The following PSMD5 variants were observed in gnomAD, a reference collection of about 807,000 sequenced individuals.
PSMD5 encodes 26S proteasome non-ATPase regulatory subunit 5.
A neutral mutation model predicts 52.1 loss-of-function variants in PSMD5; 40 were observed. That is an observed-to-expected ratio of 0.77 (90% CI 0.60 to 1.00). PSMD5 has a LOEUF of 1.00. PSMD5 is among the 50% of genes least tolerant of loss of function. The pLI is 0.00. For synonymous variants in PSMD5, 211 were observed against 226.6 expected, an observed-to-expected ratio of 0.93 and a Z score of 0.62; for missense variants, 575 against 605.2, an observed-to-expected ratio of 0.95 and a Z score of 0.52.
intron 9 of PSMD5, among the ~76,000 whole-genome samples, chr9:120,819,672 G>A (rs1321882457): frequency 3.9e-5 from 6 of 152,056 alleles, no homozygotes; most frequent in Non-Finnish European, 1.5e-5. Flanking sequence ...GTCTCTACTA[G>A]AAATACAAAA....
At position 120,842,871 on chromosome 9, in the gene PSMD5, C is replaced by A. The variant is rs1488419444; in HGVS notation, c.39G>T (p.Ala13=). ...AQALALLREV[A]RLEAPLEELR... ...GCTCCTCCAGCGGCGCTTCCAGCCT[C>A]GCTACCTCTCTCAGCAGCGCCAAAG... The change falls in exon 1 of 10, where the codon GCG becomes GCT. Residue 13 remains alanine, a synonymous_variant. Coordinates refer to ENST00000210313, the MANE Select transcript of PSMD5 (RefSeq NM_005047.4). The A allele has an allele frequency of 1.2e-6, 2 of 1,601,718 alleles. No individual in the cohort carries two copies. Among genetic ancestry groups the A allele is most frequent in the Non-Finnish European group, 1.7e-6 (2 of 1,177,608 alleles).
chr9:120,819,130 C>G (rs1025584195), intron 9 of PSMD5, among the ~76,000 whole-genome samples: 1 of 152,180 alleles, frequency 6.6e-6, no homozygotes, highest in Admixed American at 6.5e-5. Flanking sequence ...TTAAGTTTTT[C>G]AAAACCTATT....
At position 120,831,352 on chromosome 9, in the gene PSMD5, A is replaced by G. The variant is rs200798187; in HGVS notation, c.540T>C (p.Ile180=). ...TTACCTCATACACCCTGTATCGAAC[A>G]ATGTCATTTGTTTTCATTACACTTT... The part of the protein sequence containing the change: ...DLKSVMKTND[I]VRYRVYELII... Residue 180 remains isoleucine (I), a synonymous_variant, in exon 4 of 10, where the codon ATT becomes ATC. Coordinates refer to ENST00000210313, the MANE Select transcript of PSMD5 (RefSeq NM_005047.4). The G allele has an allele frequency of 6.2e-7, 1 of 1,610,612 alleles. No individual in the cohort carries two copies. Among genetic ancestry groups the G allele is most frequent in the Non-Finnish European group, 8.5e-7 (1 of 1,179,050 alleles).
At chr9:120,841,041 T>C (rs2045231482) in intron 1 of PSMD5, among the ~76,000 whole-genome samples, 2 of 152,110 alleles carry the variant, frequency 1.3e-5, no homozygotes, top group South Asian at 2.1e-4. Context: ...CGTGAGCCAC[T>C]GCACCGGGCC....
At position 120,820,951 on chromosome 9, in the gene PSMD5, C is replaced by T; in HGVS notation, c.1145G>A (p.Arg382Lys). ...PPEQQTDDLL[R>K]MTESWFSSLS... is the part of the protein sequence containing the mutation. ...AGAAGAAAACCAGGATTCTGTCATC[C>T]TCAGAAGGTCATCAGTCTGCTGCTC... The change falls in exon 9 of 10, where the codon AGG becomes AAG. Residue 382 changes from arginine (R) to lysine (K), a missense_variant. Arg to Lys is a conservative substitution (Grantham distance 26, BLOSUM62 2). Transcript: ENST00000210313. 6.3e-7 allele frequency: 1 copy of T among 1,597,064 alleles called. No homozygotes were observed. The highest frequency in any genetic ancestry group is 1.9e-5 in the Admixed American group (1 of 53,512).
At chr9:120,832,862 G>T (rs2045170970) in intron 2 of PSMD5, among the ~76,000 whole-genome samples, 1 of 152,198 alleles carries the variant, frequency 6.6e-6, no homozygotes, top group Non-Finnish European at 1.5e-5. Context: ...TGTCTTAATT[G>T]TTGGTTTAGT....
chr9:120,821,486 T>C (rs1426212139), intron 7 of PSMD5, 22 bp from the exon 8 acceptor site: 3 of 1,474,870 alleles, frequency 2.0e-6, no homozygotes, highest in Non-Finnish European at 2.8e-6. Flanking sequence ...AACAGTGAGA[T>C]TCTTCTTTAT....
intron 5 of PSMD5, among the ~76,000 whole-genome samples, chr9:120,828,199 C>G (rs942753924): frequency 6.6e-6 from 1 of 152,002 alleles, no homozygotes; most frequent in Non-Finnish European, 1.5e-5. Flanking sequence ...AGGGTTTCAC[C>G]GTATTGGCCA....
At chr9:120,830,299 G>A (rs2045151012) in intron 4 of PSMD5, among the ~76,000 whole-genome samples, 1 of 152,156 alleles carries the variant, frequency 6.6e-6, no homozygotes, top group South Asian at 2.1e-4. Flanking sequence ...GCATGAGTTT[G>A]AGTGGCCTAG....
chr9:120,824,523 A>G lies in PSMD5; in HGVS notation c.977T>C (p.Val326Ala), dbSNP rs189500645. 3.1e-4 allele frequency: 501 copies of G among 1,614,154 alleles called. 7 individuals carry two copies. In the Admixed American group the frequency reaches 8.0e-3, roughly 26 times the overall value. Residue 326 changes from valine (V) to alanine (A), a missense_variant, in exon 7 of 10, where the codon GTT (valine) becomes GCT (alanine). Physicochemically the swap from Val to Ala is moderately conservative, Grantham distance 64. Coordinates refer to ENST00000210313, the MANE Select transcript of PSMD5 (RefSeq NM_005047.4). Reference sequence around the variant, plus strand: ...TTTCTGTAAAACCTGTTTTCCTTCAACATTGGATCCCAAGATTCCAACTGT... The same window carrying G: ...TTTCTGTAAAACCTGTTTTCCTTCAGCATTGGATCCCAAGATTCCAACTGT... The part of the protein sequence containing the change: ...VDTVGILGSN[V>A]EGKQVLQKTG...
chr9:120,827,114 A>C (rs1318457565), intron 5 of PSMD5, among the ~76,000 whole-genome samples: 1 of 152,258 alleles, frequency 6.6e-6, no homozygotes, highest in East Asian at 1.9e-4. Flanking sequence ...GGCAGAGTTT[A>C]GATTTAAATC....
In PSMD5 at chr9:120,817,679, C is replaced by A; in HGVS notation, c.*227G>T. The A allele has an allele frequency of 2.0e-6, 1 of 496,160 alleles. No homozygotes were observed. The allele number at this position is 496,160 out of a possible 1,614,324, so 30.7% of individuals were successfully genotyped here. On this transcript the variant is annotated 3_prime_UTR_variant, in exon 10 of 10. Transcript: ENST00000210313. ...GGCAGTGAAAGGAATCTGAAAAACA[C>A]TGGATCTATTATGACCAAGCTTGTC...
chr9:120,823,510 CTT>C (rs1263218977), intron 7 of PSMD5, among the ~76,000 whole-genome samples: 24 of 108,634 alleles, frequency 2.2e-4, no homozygotes, highest in Admixed American at 5.1e-4. Flanking sequence ...TACCTGGCCT[CTT>C]TTTTTTTTTT....
At position 120,826,807 on chromosome 9, in the gene PSMD5, C is replaced by T. The variant is rs766334430; in HGVS notation, c.772G>A (p.Val258Ile). The T allele has an allele frequency of 1.2e-6, 2 of 1,613,712 alleles. No homozygotes were observed. The highest frequency in any genetic ancestry group is 1.3e-5 in the African/African-American group (1 of 74,906). The change falls in exon 6 of 10, where the codon GTT becomes ATT. Residue 258 changes from valine to isoleucine, a missense_variant. Val to Ile is a conservative substitution (Grantham distance 29, BLOSUM62 3). Coordinates refer to ENST00000210313, the MANE Select transcript of PSMD5 (RefSeq NM_005047.4). ...GVIDQISNII[V>I]GADSDPFSSF... ...GAGAAAGGGTCTGAATCTGCCCCAA[C>T]AATTATATTAGAAATTTGGTCAATT...
At chr9:120,841,279 A>T (rs62581707) in intron 1 of PSMD5, among the ~76,000 whole-genome samples, 18,306 of 152,022 alleles carry the variant, frequency 0.12, 1,271 homozygotes, top group Middle Eastern at 0.17. Flanking sequence ...TTTCTTTTTC[A>T]TTCAACAACA....
chr9:120,818,188 C>G (rs1413600134), intron 9 of PSMD5, 25 bp from the exon 10 acceptor site: 1 of 1,594,370 alleles, frequency 6.3e-7, no homozygotes, highest in Admixed American at 1.7e-5. Context: ...AGAAAGAATA[C>G]AATTCCCCTG....
At chr9:120,837,832 T>A (rs1267208219) in intron 1 of PSMD5, among the ~76,000 whole-genome samples, 1 of 152,216 alleles carries the variant, frequency 6.6e-6, no homozygotes, top group Admixed American at 6.5e-5. Flanking sequence ...TTGTAATATC[T>A]CCAAACAGAA....
intron 4 of PSMD5, among the ~76,000 whole-genome samples, 159 bp from the exon 5 acceptor site, chr9:120,829,367 G>A (rs1248237157): frequency 2.0e-5 from 3 of 152,024 alleles, no homozygotes; most frequent in African/African-American, 4.8e-5. Flanking sequence ...TTCAGTGAAC[G>A]CATAAGAAAT....
At position 120,831,396 on chromosome 9, in the gene PSMD5, T is replaced by G. The variant is rs769676967; in HGVS notation, c.496A>C (p.Asn166His). ...QAGLEALFES[N>H]LLDDLKSVMK... Reference sequence around the variant, plus strand: ...ACACTTTTCAAATCATCCAGCAGATTGCTTTCAAATAAAGCCTCCAGTCCA... The same window carrying G: ...ACACTTTTCAAATCATCCAGCAGATGGCTTTCAAATAAAGCCTCCAGTCCA... The change falls in exon 4 of 10, where the codon AAT becomes CAT. Residue 166 changes from asparagine (N) to histidine (H), a missense_variant. Physicochemically the swap from Asn to His is moderately conservative, Grantham distance 68. Transcript: ENST00000210313. 3.7e-6 allele frequency: 6 copies of G among 1,612,912 alleles called. No individual in the cohort carries two copies. The East Asian group carries it at 8.9e-5, about 24-fold the overall frequency.
Sources: allele counts gnomAD v4.1 joint callset (sites outside exome capture counted in the v4.1 genomes callset), GRCh38; gene constraint gnomAD v4.1.1; transcripts MANE v1.5; gene names NCBI Gene and HGNC (gene_info 2026-07-23, HGNC 2026-07-21).